The following CEMIP2 variants were observed in gnomAD, a reference collection of about 807,000 sequenced individuals.
CEMIP2 encodes cell surface hyaluronidase CEMIP2.
A neutral mutation model predicts 146.9 loss-of-function variants in CEMIP2; 79 were observed. That is an observed-to-expected ratio of 0.54 (90% confidence interval 0.45 to 0.65). The LOEUF is 0.65. Ranked by LOEUF, CEMIP2 falls within the 30% of genes least tolerant of loss-of-function variation. The pLI, the probability that CEMIP2 is intolerant of heterozygous loss-of-function variation, is 0.00. For missense variants in CEMIP2, 1,596 were observed against 1,696.2 expected (o/e 0.94, Z 1.04); for synonymous variants, 601 against 606.3 (o/e 0.99, Z 0.13).
chr9:71,728,278 T>TAC (rs1231611189), intron 10 of CEMIP2, among the ~76,000 whole-genome samples: 131 of 10,224 alleles, frequency 0.013, 12 homozygotes, highest in Middle Eastern at 0.038. Context: ...TATATATATA[T>TAC]ATGTATATAT....
intron 8 of CEMIP2, 82 bp from the exon 9 acceptor site, chr9:71,730,335 G>A (rs1823580188): frequency 7.2e-7 from 1 of 1,379,528 alleles, no homozygotes; most frequent in African/African-American, 1.4e-5. Context: ...AGTGTAGCAT[G>A]TTCAGTACAA....
At chr9:71,717,355 A>G (rs1823088057) in intron 13 of CEMIP2, among the ~76,000 whole-genome samples, 1 of 152,170 alleles carries the variant, frequency 6.6e-6, no homozygotes, top group Non-Finnish European at 1.5e-5. Context: ...AAAAACTCAG[A>G]AATGATGTGA....
intron 21 of CEMIP2, 134 bp from the exon 22 acceptor site, chr9:71,690,380 G>A: frequency 6.1e-6 from 7 of 1,154,778 alleles, no homozygotes; most frequent in Non-Finnish European, 7.2e-6. Context: ...CAAATTGTGT[G>A]CTTCACTTGC....
Position 71,737,155 on chromosome 9 carries a change from C to CAAA in CEMIP2, c.1205-2164_1205-2162dup, listed in dbSNP as rs34623620. On this transcript the variant is annotated intron_variant, in intron 5 of 23. Transcript: ENST00000377044. ...TGGGAGACAAGAGTAAGATCTTTCT[C>CAAA]AAAAAAAAAAAAAAAAAAGAAAGAA... Among the ~76,000 whole-genome samples the CAAA allele has an allele frequency of 1.2e-3, 128 of 106,948 alleles. 1 individual carries two copies. The highest frequency in any genetic ancestry group is 4.1e-3 in the South Asian group (11 of 2,678). The allele number at this position is 106,948 out of a possible 152,430, so 70.2% of individuals were successfully genotyped here.
At chr9:71,723,368 AG>A (rs1247125047) in intron 11 of CEMIP2, among the ~76,000 whole-genome samples, 1 of 148,278 alleles carries the variant, frequency 6.7e-6, no homozygotes, top group Non-Finnish European at 1.5e-5. Context: ...AAAAAAAAAA[AG>A]GAGGCAAATA....
chr9:71,731,672 C>T (rs1377166539), intron 7 of CEMIP2, among the ~76,000 whole-genome samples: 8 of 149,906 alleles, frequency 5.3e-5, no homozygotes, highest in African/African-American at 2.0e-4. Flanking sequence ...ATTGAGCCCA[C>T]AGTCAGTTGT....
chr9:71,762,362 C>G (rs1824658833), intron 1 of CEMIP2, among the ~76,000 whole-genome samples: 1 of 152,010 alleles, frequency 6.6e-6, no homozygotes, highest in Non-Finnish European at 1.5e-5. Flanking sequence ...TGATGTGCAC[C>G]TGTAGTCCCA....
chr9:71,714,803 TA>T (rs1823000997), intron 15 of CEMIP2, 130 bp downstream of exon 15: 1 of 878,378 alleles, frequency 1.1e-6, no homozygotes, highest in South Asian at 2.3e-5. Flanking sequence ...GTAGTAGTAA[TA>T]AATGATAAAA....
chr9:71,738,135 T>C (rs1823812140), intron 5 of CEMIP2, among the ~76,000 whole-genome samples: 1 of 152,194 alleles, frequency 6.6e-6, no homozygotes, highest in South Asian at 2.1e-4. Flanking sequence ...GAAAACCTCA[T>C]GGAGGCAAAA....
upstream of CEMIP2, among the ~76,000 whole-genome samples, chr9:71,769,163 C>T (rs78682081): frequency 0.065 from 9,895 of 152,258 alleles, 482 homozygotes; most frequent in Middle Eastern, 0.092. Context: ...CCTGGCCGAA[C>T]CGGAGCCTGT....
chr9:71,684,794 C>T lies in CEMIP2; in HGVS notation c.*403G>A, dbSNP rs1453310087. ...CCAAGTCAACTGCCACCCGACCCAA[C>T]TGAGCATTAAACTTCAAGTATCCAA... On this transcript the variant is annotated 3_prime_UTR_variant, in exon 24 of 24. Coordinates refer to ENST00000377044, the MANE Select transcript of CEMIP2 (RefSeq NM_013390.3). 2 of 158,708 alleles carry T rather than the reference C, an allele frequency of 1.3e-5. No homozygotes were observed. Among genetic ancestry groups the T allele is most frequent in the Non-Finnish European group, 2.8e-5 (2 of 72,384 alleles). The allele number at this position is 158,708 out of a possible 1,614,324, so 9.8% of individuals were successfully genotyped here.
In CEMIP2 at chr9:71,745,223, C is replaced by G; in HGVS notation, c.829G>C (p.Ala277Pro). ...AATCTCTCACTTTCCAAAATTTTGG[C>G]CGTGTCTTGGTCAATGACCCTCACA... ...LNVRVIDQDT[A>P]KILESERFDT... The change falls in exon 4 of 24, where the codon GCC (alanine) becomes CCC (proline). Residue 277 changes from alanine (A) to proline (P), a missense_variant. Coordinates refer to ENST00000377044, the MANE Select transcript of CEMIP2 (RefSeq NM_013390.3). The G allele has an allele frequency of 1.2e-6, 2 of 1,614,070 alleles. No individual in the cohort carries two copies. Among genetic ancestry groups the G allele is most frequent in the African/African-American group, 2.7e-5 (2 of 75,016 alleles).
intron 4 of CEMIP2, among the ~76,000 whole-genome samples, chr9:71,743,859 T>A (rs1823994212): frequency 6.6e-6 from 1 of 152,166 alleles, no homozygotes; most frequent in African/African-American, 2.4e-5. Flanking sequence ...TTGCTGTAGG[T>A]AATACCCCAT....
At position 71,750,008 on chromosome 9, in the gene CEMIP2, T is replaced by C. The variant is rs765933020; in HGVS notation, c.331+35A>G. On this transcript the variant is annotated intron_variant, in intron 2 of 23. Transcript: ENST00000377044. ...TACTATTTCCTCCTCTTTTGTCTTC[T>C]AGAATATGTTCTATGTGCATATACA... is the stretch of plus-strand genomic sequence containing the variant. The C allele has an allele frequency of 3.3e-6, 5 of 1,524,912 alleles. No individual in the cohort carries two copies. The South Asian group carries it at 5.3e-5, about 16-fold the overall frequency. 94.5% of individuals were successfully genotyped at this position (1,524,912 alleles called of 1,614,324 possible).
At chr9:71,712,492 C>T (rs1822935286) in intron 15 of CEMIP2, 2 of 469,992 alleles carry the variant, frequency 4.3e-6, no homozygotes, top group South Asian at 3.8e-5. Context: ...GACCATAAGA[C>T]ACAACATTAT....
intron 18 of CEMIP2, among the ~76,000 whole-genome samples, chr9:71,704,149 C>A (rs766356247): frequency 2.6e-5 from 4 of 152,230 alleles, no homozygotes; most frequent in Middle Eastern, 3.4e-3. Context: ...AAATACCTGG[C>A]CTTCATGTCC....
intron 10 of CEMIP2, among the ~76,000 whole-genome samples, chr9:71,726,572 T>C (rs1775891025): frequency 6.6e-6 from 1 of 152,174 alleles, no homozygotes; most frequent in Non-Finnish European, 1.5e-5. Context: ...CATAGTCTAA[T>C]AAGAAAGATA....
chr9:71,714,039 G>A (rs1032458891), intron 15 of CEMIP2, among the ~76,000 whole-genome samples: 1 of 152,086 alleles, frequency 6.6e-6, no homozygotes. Context: ...CAAGCATGGT[G>A]ACCTTTTTCC....
At chr9:71,740,008 AAT>A (rs994977760) in intron 5 of CEMIP2, 53 bp downstream of exon 5, 1 of 1,499,644 alleles carries the variant, frequency 6.7e-7, no homozygotes, top group Non-Finnish European at 9.0e-7. Context: ...AGAAAAAAAA[AAT>A]CTGTCATAAT....
Sources: allele counts gnomAD v4.1 joint callset (sites outside exome capture counted in the v4.1 genomes callset), GRCh38; gene constraint gnomAD v4.1.1; transcripts MANE v1.5; gene names NCBI Gene and HGNC (gene_info 2026-07-23, HGNC 2026-07-21).